The following DGKD variants were observed in gnomAD, a reference collection of about 807,000 sequenced individuals.
DGKD encodes the protein DAG kinase delta.
Under a neutral mutation model 154.4 loss-of-function variants are expected in DGKD, and 68 were observed. The observed-to-expected ratio is 0.44, with a 90% CI of 0.36 to 0.54. DGKD has a LOEUF of 0.54. Ranked by LOEUF, DGKD falls within the 20% of genes least tolerant of loss-of-function variation. DGKD has a pLI of 0.00. For missense variants in DGKD, 1,343 were observed against 1,593.6 expected, an observed-to-expected ratio of 0.84 and a Z score of 2.68; for synonymous variants, 693 against 638.0, an observed-to-expected ratio of 1.09 and a Z score of -1.30.
chr2:233,450,267 C>T, intron 16 of DGKD, 136 bp downstream of exon 16: 1 of 1,172,370 alleles, frequency 8.5e-7, no homozygotes, highest in South Asian at 1.7e-5. Flanking sequence ...AATTGAGCGC[C>T]CAAGGCCTGT....
rs1215609151 is a variant in DGKD at position 233,468,432 on chromosome 2, G to C, written c.3434G>C (p.Trp1145Ser). The C allele has an allele frequency of 1.2e-6, 2 of 1,613,182 alleles. No individual in the cohort carries two copies. Among genetic ancestry groups the C allele is most frequent in the Non-Finnish European group, 1.7e-6 (2 of 1,179,848 alleles). The change falls in exon 29 of 30, where the codon TGG (tryptophan) becomes TCG (serine). Residue 1145 changes from tryptophan to serine, a missense_variant. This residue lies in a region of DGKD where 429 missense variants were observed against 496.3 expected (regional missense o/e 0.86). Coordinates refer to ENST00000264057, the MANE Select transcript of DGKD (RefSeq NM_152879.3). ...HSSLGAPVHL[W>S]GTEEVAAWLE... ...TTTCCATCTCCGACAGTTCACCTCT[G>C]GGGGACAGAGGAGGTTGCTGCCTGG...
At position 233,457,853 on chromosome 2, in the gene DGKD, G is replaced by A. The variant is rs898381929; in HGVS notation, c.2581-431G>A. The stretch of plus-strand genomic sequence containing the variant: ...GCTGGGGAAGAAGTTTGGAATTTGT[G>A]TTAAGAACTGTGGGAAGGTGTTGAT... On this transcript the variant is annotated intron_variant, in intron 21 of 29. Transcript: ENST00000264057. The surrounding 1 kb of genome is among the most constrained non-coding windows in gnomAD (Gnocchi z 5.5). 3.0e-6 allele frequency: 1 copy of A among 337,610 alleles called. No homozygotes were observed. Among genetic ancestry groups the A allele is most frequent in the South Asian group, 2.4e-5 (1 of 41,422 alleles). The allele number at this position is 337,610 out of a possible 1,614,324, so 20.9% of individuals were successfully genotyped here. A position where few individuals can be genotyped will look rare whatever the true frequency, so the allele number is the denominator to read the frequency against.
At chr2:233,368,266 T>C (rs1438784459) in intron 1 of DGKD, among the ~76,000 whole-genome samples, 1 of 152,014 alleles carries the variant, frequency 6.6e-6, no homozygotes, top group Non-Finnish European at 1.5e-5. Context: ...CTCAGCACTT[T>C]GGGAGGCCAA....
intron 1 of DGKD, among the ~76,000 whole-genome samples, chr2:233,362,154 AAAAG>A (rs1701815446): frequency 6.6e-6 from 1 of 152,244 alleles, no homozygotes; most frequent in African/African-American, 2.4e-5. Context: ...ACTAACCAAA[AAAAG>A]AGCAGATTAG....
chr2:233,442,841 T>C (rs2062945661), intron 10 of DGKD, among the ~76,000 whole-genome samples: 1 of 152,210 alleles, frequency 6.6e-6, no homozygotes, highest in Non-Finnish European at 1.5e-5. Context: ...CTTGACCTCA[T>C]GATCCGCCCA....
chr2:233,423,663 TG>T (rs1338642549), intron 3 of DGKD, among the ~76,000 whole-genome samples: 1 of 152,124 alleles, frequency 6.6e-6, no homozygotes, highest in Non-Finnish European at 1.5e-5. Context: ...AGCTGCGGCC[TG>T]GGAGTGGGGT....
intron 3 of DGKD, among the ~76,000 whole-genome samples, chr2:233,421,891 C>T (rs1432943442): frequency 6.6e-6 from 1 of 152,206 alleles, no homozygotes; most frequent in Non-Finnish European, 1.5e-5. Context: ...GAATTTATTT[C>T]TGAGGAAGAA....
intron 10 of DGKD, among the ~76,000 whole-genome samples, chr2:233,443,874 T>A (rs1176714737): frequency 6.6e-6 from 1 of 152,204 alleles, no homozygotes; most frequent in African/African-American, 2.4e-5. Flanking sequence ...CTCCCCTGCG[T>A]CTCTTTGACA....
chr2:233,380,678 GT>G (rs1186379472), intron 1 of DGKD, among the ~76,000 whole-genome samples: 37 of 150,820 alleles, frequency 2.5e-4, no homozygotes, highest in African/African-American at 7.7e-4. Context: ...GTGTGTGTGT[GT>G]GGGGGGGTGT....
intron 3 of DGKD, among the ~76,000 whole-genome samples, chr2:233,403,986 A>G (rs749524551): frequency 1.5e-4 from 23 of 152,300 alleles, no homozygotes; most frequent in Non-Finnish European, 3.1e-4. Flanking sequence ...TACATGTGTT[A>G]TATACATGTA....
At chr2:233,439,012 G>A (rs932647285) in intron 9 of DGKD, among the ~76,000 whole-genome samples, 1 of 152,270 alleles carries the variant, frequency 6.6e-6, no homozygotes, top group African/African-American at 2.4e-5. Flanking sequence ...CAGCAGCACA[G>A]AGATTAGACT....
chr2:233,378,855 G>A (rs1470449409), intron 1 of DGKD, among the ~76,000 whole-genome samples: 2 of 152,192 alleles, frequency 1.3e-5, no homozygotes, highest in African/African-American at 4.8e-5. Context: ...GAGCAACATA[G>A]TGAGACCCCG....
rs1356549267 is a variant in DGKD at position 233,470,008 on chromosome 2, A to G, written c.*548A>G. On this transcript the variant is annotated 3_prime_UTR_variant, in exon 30 of 30. Transcript: ENST00000264057. Reference sequence around the variant, plus strand: ...CTTTCCTGGTTTGAAAGTAGCATGGATGTTTCCAGTCTTGTTGATTGTAAT... The same window carrying G: ...CTTTCCTGGTTTGAAAGTAGCATGGGTGTTTCCAGTCTTGTTGATTGTAAT... 1 of 152,622 alleles carries G rather than the reference A, an allele frequency of 6.6e-6. No individual in the cohort carries two copies. The highest frequency in any genetic ancestry group is 2.4e-5 in the African/African-American group (1 of 41,566). 9.5% of individuals were successfully genotyped at this position (152,622 alleles called of 1,614,324 possible). A position where few individuals can be genotyped will look rare whatever the true frequency, so the allele number is the denominator to read the frequency against.
At chr2:233,432,503 C>T (rs1353624572) in intron 3 of DGKD, among the ~76,000 whole-genome samples, 2 of 152,076 alleles carry the variant, frequency 1.3e-5, no homozygotes, top group African/African-American at 4.8e-5. Flanking sequence ...ACTAAAAATA[C>T]AAAAAATTAG....
At chr2:233,430,369 T>G (rs2062467791) in intron 3 of DGKD, among the ~76,000 whole-genome samples, 1 of 152,176 alleles carries the variant, frequency 6.6e-6, no homozygotes, top group Non-Finnish European at 1.5e-5. Flanking sequence ...TCCTATACAG[T>G]GGAGTACTGT....
chr2:233,469,514 C>G lies in DGKD; in HGVS notation c.*54C>G, dbSNP rs2124978625. ...CATCCCCGCCGCCGAGGCCTAGCCT[C>G]CGCCCTCTCAGCCTGTGGCCTCTGC... On this transcript the variant is annotated 3_prime_UTR_variant, in exon 30 of 30. Transcript: ENST00000264057. The G allele has an allele frequency of 6.7e-7, 1 of 1,492,340 alleles. No homozygotes were observed. The highest frequency in any genetic ancestry group is 2.4e-5 in the East Asian group (1 of 40,990). 92.4% of individuals were successfully genotyped at this position (1,492,340 alleles called of 1,614,324 possible).
intron 1 of DGKD, 58 bp from the exon 2 acceptor site, chr2:233,388,199 G>A (rs1403613322): frequency 2.5e-6 from 4 of 1,585,144 alleles, no homozygotes; most frequent in Non-Finnish European, 2.6e-6. Context: ...GTTTCAGCCG[G>A]AAGAGTGAAA....
rs1438626418 is a variant in DGKD, at chr2:233,450,069, T to G, written c.1976T>G (p.Val659Gly). The G allele has an allele frequency of 6.2e-7, 1 of 1,613,786 alleles. No homozygotes were observed. The highest frequency in any genetic ancestry group is 8.5e-7 in the Non-Finnish European group (1 of 1,179,892). ...SESEEKMDHR[V>G]CPPLSHSESF... is the part of the protein sequence containing the mutation. ...TCAGAGGAGAAGATGGACCACAGAG[T>G]GTGCCCACCACTGTCCCACAGCGAG... The change falls in exon 16 of 30, where the codon GTG becomes GGG. Residue 659 changes from valine to glycine, a missense_variant. Transcript: ENST00000264057.
rs1413044244 is a variant in DGKD, at chr2:233,420,589, A to C, written c.349-13791A>C. On this transcript the variant is annotated intron_variant, in intron 3 of 29. Transcript: ENST00000264057. Reference sequence around the variant, plus strand: ...ATATAGCATTGTTGAACTGGTTCTGAAATGTCGAATAAATGTTATCAGACT... The same window carrying C: ...ATATAGCATTGTTGAACTGGTTCTGCAATGTCGAATAAATGTTATCAGACT... Among the ~76,000 whole-genome samples the C allele has an allele frequency of 2.0e-5, 3 of 152,222 alleles. No individual in the cohort carries two copies. In the South Asian group the frequency reaches 6.2e-4, roughly 32 times the overall value.
Sources: allele counts gnomAD v4.1 joint callset (sites outside exome capture counted in the v4.1 genomes callset), GRCh38; gene constraint gnomAD v4.1.1; regional missense constraint gnomAD v4.1.1; non-coding constraint Gnocchi (gnomAD v3.1); transcripts MANE v1.5; gene names NCBI Gene and HGNC (gene_info 2026-07-23, HGNC 2026-07-21).